Variants in NLGN1 observed in about 807,000 individuals in gnomAD.
NLGN1 encodes neuroligin-1.
A neutral mutation model predicts 65.5 loss-of-function variants in NLGN1; 12 were observed. The ratio of observed to expected loss-of-function variants is 0.18; its 90% CI spans 0.12 to 0.30. The LOEUF is 0.30. Ranked by LOEUF, NLGN1 falls within the 10% of genes least tolerant of loss-of-function variation. The pLI is 1.00. For synonymous variants in NLGN1, 350 were observed against 359.5 expected (o/e 0.97, Z 0.30); for missense variants, 750 against 1,007.1 (o/e 0.74, Z 3.46).
intron 3 of NLGN1, among the ~76,000 whole-genome samples, chr3:173,640,931 A>G (rs575431288): frequency 3.3e-4 from 51 of 152,302 alleles, no homozygotes; most frequent in African/African-American, 1.2e-3. Flanking sequence ...ATTATTTATG[A>G]TACTATATAT....
intron 2 of NLGN1, among the ~76,000 whole-genome samples, chr3:173,475,699 T>C (rs1473029823): frequency 1.3e-5 from 2 of 152,210 alleles, no homozygotes; most frequent in Admixed American, 1.3e-4. Flanking sequence ...TGATCACTTA[T>C]TGCATAGCAA....
At chr3:173,857,754 TC>T (rs1728279392) in intron 4 of NLGN1, among the ~76,000 whole-genome samples, 1 of 144,714 alleles carries the variant, frequency 6.9e-6, no homozygotes, top group Non-Finnish European at 1.5e-5. Context: ...TTATTCCCCA[TC>T]CCAAGGCCAC....
chr3:173,606,113 G>GT (rs1175895247), intron 3 of NLGN1, among the ~76,000 whole-genome samples: 1 of 151,914 alleles, frequency 6.6e-6, no homozygotes, highest in African/African-American at 2.4e-5. Flanking sequence ...AGGTAATAGT[G>GT]TTTTTTTCTT....
chr3:173,964,387 G>A (rs1714329992), intron 4 of NLGN1, among the ~76,000 whole-genome samples: 1 of 152,152 alleles, frequency 6.6e-6, no homozygotes, highest in African/African-American at 2.4e-5. Context: ...TGTTATATTT[G>A]TGCATATTCA....
intron 4 of NLGN1, among the ~76,000 whole-genome samples, chr3:174,072,136 T>C (rs1740023918): frequency 1.3e-5 from 2 of 152,174 alleles, no homozygotes; most frequent in South Asian, 4.1e-4. Flanking sequence ...GAAAAGTAAG[T>C]CTAAGTCTAC....
At chr3:173,629,194 G>C (rs1185155414) in intron 3 of NLGN1, among the ~76,000 whole-genome samples, 1 of 151,830 alleles carries the variant, frequency 6.6e-6, no homozygotes, top group East Asian at 1.9e-4. Flanking sequence ...TTCTAGACAG[G>C]AGGATCCAAT....
intron 4 of NLGN1, among the ~76,000 whole-genome samples, chr3:173,847,393 T>C (rs1261128742): frequency 2.6e-5 from 4 of 152,142 alleles, no homozygotes; most frequent in Non-Finnish European, 5.9e-5. Flanking sequence ...ATTTACCAAA[T>C]GCAAATTAGA....
chr3:173,417,741 A>G (rs937861180), intron 1 of NLGN1, among the ~76,000 whole-genome samples: 14 of 152,010 alleles, frequency 9.2e-5, no homozygotes, highest in African/African-American at 3.4e-4. Flanking sequence ...TTGTACATGT[A>G]ACTTGTGTAA....
chr3:174,050,265 T>C (rs114492738), intron 4 of NLGN1, among the ~76,000 whole-genome samples: 194 of 152,244 alleles, frequency 1.3e-3, no homozygotes, highest in African/African-American at 4.5e-3. Flanking sequence ...TGTAGGCTAC[T>C]ATGGCATTGA....
chr3:173,802,949 TCTC>T (rs1475035266), intron 3 of NLGN1, among the ~76,000 whole-genome samples: 1 of 151,954 alleles, frequency 6.6e-6, no homozygotes, highest in Non-Finnish European at 1.5e-5. Context: ...AGCAAGCAAT[TCTC>T]CTGCCACAGC....
intron 2 of NLGN1, among the ~76,000 whole-genome samples, chr3:173,534,543 T>A (rs1737132372): frequency 6.6e-6 from 1 of 152,314 alleles, no homozygotes; most frequent in South Asian, 2.1e-4. Context: ...AACTATACTC[T>A]TGTATACAAG....
At chr3:173,426,267 C>A (rs1716084355) in intron 1 of NLGN1, among the ~76,000 whole-genome samples, 1 of 152,026 alleles carries the variant, frequency 6.6e-6, no homozygotes, top group Non-Finnish European at 1.5e-5. Flanking sequence ...AAGATTATGT[C>A]ATCTGCAAAC....
chr3:173,734,381 ATTTTTTT>A (rs71162356), intron 3 of NLGN1, among the ~76,000 whole-genome samples: 34 of 40,080 alleles, frequency 8.5e-4, no homozygotes, highest in South Asian at 4.4e-3. Context: ...GGATAATTCT[ATTTTTTT>A]TTTTTTTTTT....
rs376133247 is a variant in NLGN1, at chr3:173,645,599, A to G, written c.493+40508A>G. On this transcript the variant is annotated intron_variant, in intron 3 of 6. Transcript: ENST00000457714. The stretch of plus-strand genomic sequence containing the variant: ...CCGAGATGGGCCTTGTGGATCCACA[A>G]TGGTAACCTAGAGGAAAATTAGTTC... Among the ~76,000 whole-genome samples, 12 of 152,300 alleles carry G rather than the reference A, an allele frequency of 7.9e-5. No individual in the cohort carries two copies. In the South Asian group the frequency reaches 8.3e-4, roughly 11 times the overall value.
intron 3 of NLGN1, chr3:173,644,598 C>A: frequency 6.2e-6 from 1 of 160,482 alleles, no homozygotes; most frequent in South Asian, 1.8e-4. Context: ...TGCCCTGGTT[C>A]TGCGAGTCCC....
intron 4 of NLGN1, among the ~76,000 whole-genome samples, chr3:174,274,158 A>T (rs1750053186): frequency 6.6e-6 from 1 of 151,260 alleles, no homozygotes; most frequent in Admixed American, 6.6e-5. Flanking sequence ...ATTTATATCT[A>T]ATAGGACTCT....
chr3:173,981,333 A>G (rs932309452), intron 4 of NLGN1, among the ~76,000 whole-genome samples: 12 of 152,144 alleles, frequency 7.9e-5, no homozygotes, highest in African/African-American at 2.7e-4. Context: ...CCAAATTTTC[A>G]AATTGATAGT....
intron 4 of NLGN1, among the ~76,000 whole-genome samples, chr3:174,242,633 T>G (rs1743099474): frequency 6.6e-6 from 1 of 152,108 alleles, no homozygotes; most frequent in Non-Finnish European, 1.5e-5. Context: ...GATCTGTCAC[T>G]GTCTCCCATC....
intron 4 of NLGN1, among the ~76,000 whole-genome samples, chr3:174,262,758 T>C (rs1747196697): frequency 9.5e-6 from 1 of 105,296 alleles, no homozygotes; most frequent in African/African-American, 3.8e-5. Flanking sequence ...GCTTTTCTAG[T>C]TCTTTTAATT....
Sources: allele counts gnomAD v4.1 joint callset (sites outside exome capture counted in the v4.1 genomes callset), GRCh38; gene constraint gnomAD v4.1.1; transcripts MANE v1.5; gene names NCBI Gene and HGNC (gene_info 2026-07-23, HGNC 2026-07-21).